GRAMD4: variants seen among roughly 807,000 people sequenced by gnomAD.
The protein encoded by GRAMD4 is GRAM domain-containing protein 4.
GRAMD4 carries 25 observed loss-of-function variants against 83.9 expected under a neutral mutation model. The observed-to-expected ratio is 0.30, with a 90% CI of 0.22 to 0.42. GRAMD4 has a LOEUF of 0.42. GRAMD4 is among the 10% of genes least tolerant of loss of function. The probability of loss-of-function intolerance (pLI) is 1.00; values close to 1 mark genes in which losing one functional copy is unlikely to be tolerated. For missense variants in GRAMD4, 593 were observed against 788.7 expected (o/e 0.75, Z 2.97); for synonymous variants, 336 against 320.9 (o/e 1.05, Z -0.50).
At chr22:46,607,170 C>T (rs2081373505) in intron 1 of GRAMD4, among the ~76,000 whole-genome samples, 1 of 149,880 alleles carries the variant, frequency 6.7e-6, no homozygotes, top group African/African-American at 2.5e-5. Context: ...TTGTGATGTC[C>T]TTTCCTGAGC....
intron 3 of GRAMD4, among the ~76,000 whole-genome samples, chr22:46,639,663 A>G (rs1422385463): frequency 2.0e-5 from 3 of 150,640 alleles, no homozygotes; most frequent in African/African-American, 4.9e-5. Context: ...CGTGTGCAGC[A>G]GTATTACCGT....
chr22:46,638,519 C>T (rs1156740550), intron 3 of GRAMD4, among the ~76,000 whole-genome samples: 4 of 152,234 alleles, frequency 2.6e-5, no homozygotes, highest in African/African-American at 9.6e-5. Flanking sequence ...ACAGGAGGGG[C>T]TCGCAGGCTT....
In GRAMD4 at chr22:46,666,758, C is replaced by T. The variant is rs371803022; in HGVS notation, c.810-67C>T. The T allele has an allele frequency of 2.8e-4, 378 of 1,351,582 alleles. 2 individuals carry two copies. Among genetic ancestry groups the T allele is most frequent in the Admixed American group, 1.7e-3 (99 of 59,326 alleles). The allele number at this position is 1,351,582 out of a possible 1,614,324, so 83.7% of individuals were successfully genotyped here. A position where few individuals can be genotyped will look rare whatever the true frequency, so the allele number is the denominator to read the frequency against. Reference sequence around the variant, plus strand: ...AGCCCAGCTGGGCGTGCAGGGCCAGCGATTCGATGCCTTCCCCTGACTCAG... The same window carrying T: ...AGCCCAGCTGGGCGTGCAGGGCCAGTGATTCGATGCCTTCCCCTGACTCAG... On this transcript the variant is annotated intron_variant, in intron 9 of 18. Coordinates refer to ENST00000406902, the MANE Select transcript of GRAMD4 (RefSeq NM_015124.5).
chr22:46,629,341 G>C (rs959446354), intron 2 of GRAMD4, among the ~76,000 whole-genome samples: 4 of 152,222 alleles, frequency 2.6e-5, no homozygotes, highest in African/African-American at 9.6e-5. Context: ...TGAAACGTAC[G>C]TGGCTGGCGT....
chr22:46,639,846 G>A (rs887817079), intron 3 of GRAMD4, among the ~76,000 whole-genome samples: 1 of 152,172 alleles, frequency 6.6e-6, no homozygotes, highest in Non-Finnish European at 1.5e-5. Flanking sequence ...GTCTCTCCAT[G>A]AGCCTTAGGT....
At chr22:46,626,687 T>A in intron 1 of GRAMD4, 64 bp from the exon 2 acceptor site, 1 of 1,042,274 alleles carries the variant, frequency 9.6e-7, no homozygotes, top group Non-Finnish European at 1.4e-6. Context: ...GCCCTGTGTG[T>A]GGGAGCTGGC....
At position 46,658,845 on chromosome 22, in the gene GRAMD4, G is replaced by A. The variant is rs185828512; in HGVS notation, c.404+538G>A. On this transcript the variant is annotated intron_variant, in intron 4 of 18. Transcript: ENST00000406902. ...ATCCTAGCAGTATCATGTCCTGGGC[G>A]CCAGTGCCGCCCTGGCTCCTAGAGA... 6.5e-4 allele frequency among the ~76,000 whole-genome samples: 97 copies of A among 149,084 alleles called. 3 individuals carry two copies. In the East Asian group the frequency reaches 0.019, roughly 29 times the overall value.
chr22:46,641,962 G>A (rs6008938), intron 3 of GRAMD4, among the ~76,000 whole-genome samples: 13,591 of 152,312 alleles, frequency 0.089, 799 homozygotes, highest in African/African-American at 0.16. Flanking sequence ...ATAATGAGTT[G>A]CATTCTCTTC....
intron 2 of GRAMD4, among the ~76,000 whole-genome samples, chr22:46,635,776 T>G (rs35507048): frequency 0.014 from 380 of 27,690 alleles, 22 homozygotes; most frequent in East Asian, 0.13. Context: ...CTGTCCTAGG[T>G]GGCCGTGTCC....
chr22:46,643,270 T>C (rs1469246784), intron 3 of GRAMD4, among the ~76,000 whole-genome samples: 1 of 151,492 alleles, frequency 6.6e-6, no homozygotes, highest in Non-Finnish European at 1.5e-5. Flanking sequence ...CGTCCATCCG[T>C]CCATCCATCT....
At chr22:46,593,620 T>A (rs2081232004) in intron 1 of GRAMD4, among the ~76,000 whole-genome samples, 1 of 152,198 alleles carries the variant, frequency 6.6e-6, no homozygotes, top group Non-Finnish European at 1.5e-5. Flanking sequence ...TCTTCCCTTT[T>A]TCATCATTTG....
At chr22:46,633,186 C>T (rs536707967) in intron 2 of GRAMD4, among the ~76,000 whole-genome samples, 4 of 152,324 alleles carry the variant, frequency 2.6e-5, no homozygotes, top group South Asian at 2.1e-4. Context: ...CCAGGCTCCT[C>T]GGAAGCCAGG....
chr22:46,656,935 GGGCCACAGCCAGCCCTCAGCCACCATA>G (rs1287189013), intron 3 of GRAMD4, among the ~76,000 whole-genome samples: 1 of 151,990 alleles, frequency 6.6e-6, no homozygotes, highest in African/African-American at 2.4e-5. Flanking sequence ...CAGCCACCAT[GGGCCACAGCCAGCCCTCAGCCACCATA>G]GGCCACAGCC....
intron 8 of GRAMD4, 46 bp from the exon 9 acceptor site, chr22:46,665,569 T>C: frequency 2.8e-6 from 3 of 1,086,644 alleles, no homozygotes; most frequent in South Asian, 2.6e-5. Flanking sequence ...TGCCTTGTCC[T>C]GATCCAAGCT....
intron 1 of GRAMD4, among the ~76,000 whole-genome samples, chr22:46,584,737 G>A (rs145594494): frequency 1.1e-3 from 165 of 152,332 alleles, no homozygotes; most frequent in Admixed American, 2.2e-3. Context: ...AGGGAAGAAG[G>A]GAGGGAGGCT....
intron 1 of GRAMD4, among the ~76,000 whole-genome samples, chr22:46,607,200 TAA>T (rs138538): frequency 6.8e-6 from 1 of 147,282 alleles, no homozygotes; most frequent in Non-Finnish European, 1.5e-5. Context: ...CTCGTGTCTT[TAA>T]AAAGGGGGGG....
At chr22:46,597,380 C>G (rs2147033792) in intron 1 of GRAMD4, among the ~76,000 whole-genome samples, 1 of 152,358 alleles carries the variant, frequency 6.6e-6, no homozygotes, top group Non-Finnish European at 1.5e-5. Context: ...GAGTTGGAAT[C>G]TTCTTTAGAT....
chr22:46,622,534 CAG>C lies in GRAMD4; in HGVS notation c.-50+1972_-50+1973del, dbSNP rs1601579639. 6.6e-6 allele frequency among the ~76,000 whole-genome samples: 1 copy of C among 152,150 alleles called. No individual in the cohort carries two copies. ...GGCATGGGAGTTCCTATTCAGTGAG[CAG>C]AGTTTCAGTTAGACAAGACGAGTCC... On this transcript the variant is annotated intron_variant, in intron 1 of 18. Coordinates refer to ENST00000406902, the MANE Select transcript of GRAMD4 (RefSeq NM_015124.5). The surrounding 1 kb of genome is among the most constrained non-coding windows in gnomAD (Gnocchi z 4.0).
At chr22:46,608,342 C>T (rs1300164954) in intron 1 of GRAMD4, among the ~76,000 whole-genome samples, 1 of 152,188 alleles carries the variant, frequency 6.6e-6, no homozygotes, top group East Asian at 1.9e-4. Context: ...ACCTGGGCAA[C>T]AGGTGTGAAG....
Sources: gnomAD v4.1 joint callset for allele counts (sites outside exome capture counted in the v4.1 genomes callset) on GRCh38, gnomAD v4.1.1 for gene constraint, Gnocchi (gnomAD v3.1) non-coding constraint, MANE v1.5 for transcripts, NCBI Gene and HGNC (gene_info 2026-07-23, HGNC 2026-07-21) for gene names.